Variants in PREX2 observed in about 807,000 individuals in gnomAD.
PREX2 encodes phosphatidylinositol 3,4,5-trisphosphate-dependent Rac exchanger 2 protein.
Under a neutral mutation model 203.2 loss-of-function variants are expected in PREX2, and 107 were observed. The observed-to-expected ratio is 0.53, with a 90% CI of 0.45 to 0.62. PREX2 has a LOEUF of 0.62. Among genes scored for constraint, PREX2 ranks in the 20% least tolerant of loss-of-function variants. The probability of loss-of-function intolerance (pLI) is 0.00; values close to 1 mark genes in which losing one functional copy is unlikely to be tolerated. For missense variants in PREX2, 1,777 were observed against 1,955.9 expected (o/e 0.91, Z 1.72); for synonymous variants, 672 against 663.6 (o/e 1.01, Z -0.19).
At chr8:68,167,061 G>A (rs1585840460) in intron 35 of PREX2, among the ~76,000 whole-genome samples, 2 of 152,148 alleles carry the variant, frequency 1.3e-5, no homozygotes, top group East Asian at 1.9e-4. Context: ...AAGAAAATGG[G>A]TCTACATCAT....
intron 23 of PREX2, chr8:68,105,919 A>G (rs1182663607): frequency 6.1e-6 from 1 of 163,674 alleles, no homozygotes; most frequent in East Asian, 1.9e-4. Flanking sequence ...TATTATATAT[A>G]TGGCACATTG....
In PREX2 at chr8:68,145,648, G is replaced by GT. The variant is rs200567488; in HGVS notation, c.4088-552dup. 9.6e-3 allele frequency among the ~76,000 whole-genome samples: 1,450 copies of GT among 151,208 alleles called. 9 individuals carry two copies. The highest frequency in any genetic ancestry group is 0.014 in the Non-Finnish European group (968 of 67,734). The stretch of plus-strand genomic sequence containing the variant: ...TGAAATTTAGTTTTCAAGTTGATTG[G>GT]TTTTTTTTTAAGTAATTAAATTTAG... On this transcript the variant is annotated intron_variant, in intron 33 of 39. Coordinates refer to ENST00000288368, the MANE Select transcript of PREX2 (RefSeq NM_024870.4).
chr8:67,975,078 C>T (rs1002995898), intron 1 of PREX2, among the ~76,000 whole-genome samples: 6 of 152,108 alleles, frequency 3.9e-5, no homozygotes, highest in Non-Finnish European at 7.4e-5. Context: ...CTCAAGCCTT[C>T]CTGCACTGCT....
At chr8:68,123,104 G>T (rs1448205025) in intron 30 of PREX2, among the ~76,000 whole-genome samples, 3 of 152,054 alleles carry the variant, frequency 2.0e-5, no homozygotes, top group Admixed American at 2.0e-4. Flanking sequence ...ACAGTGGGTT[G>T]TTGAAGTCTC....
chr8:68,215,702 AT>A (rs11334757), intron 37 of PREX2, among the ~76,000 whole-genome samples: 66,831 of 150,362 alleles, frequency 0.44, 16,360 homozygotes, highest in African/African-American at 0.65. Flanking sequence ...CACCTGGCTG[AT>A]TTTTTTTTTA....
At chr8:68,121,360 T>A (rs1810769579) in intron 30 of PREX2, among the ~76,000 whole-genome samples, 1 of 151,926 alleles carries the variant, frequency 6.6e-6, no homozygotes, top group Non-Finnish European at 1.5e-5. Flanking sequence ...ATAAACAAAT[T>A]CTGAAGGATT....
intron 35 of PREX2, among the ~76,000 whole-genome samples, chr8:68,166,795 T>C (rs1811770287): frequency 6.6e-6 from 1 of 152,044 alleles, no homozygotes; most frequent in South Asian, 2.1e-4. Context: ...AGAGAGACCC[T>C]GTCTCTACAT....
chr8:68,104,598 A>C (rs1810355658), intron 23 of PREX2, among the ~76,000 whole-genome samples: 1 of 152,202 alleles, frequency 6.6e-6, no homozygotes, highest in Admixed American at 6.5e-5. Context: ...TTCACCTCTG[A>C]AACTTCCAAC....
chr8:68,210,830 A>G (rs137893913), intron 37 of PREX2, among the ~76,000 whole-genome samples: 66 of 152,348 alleles, frequency 4.3e-4, no homozygotes, highest in African/African-American at 1.6e-3. Flanking sequence ...CATCTAATTT[A>G]TTATAGAAAT....
rs943036380 is a variant in PREX2, at chr8:68,107,921, G to C, written c.2716-188G>C. Among the ~76,000 whole-genome samples the C allele has an allele frequency of 2.0e-5, 3 of 152,230 alleles. No individual in the cohort carries two copies. In the East Asian group the frequency reaches 5.8e-4, roughly 29 times the overall value. ...ATGCATTTGCTGCTTATATTGCTTG[G>C]CTTTATTAAGAATGCTTCAGTTTTG... On this transcript the variant is annotated intron_variant, in intron 23 of 39. Transcript: ENST00000288368.
At chr8:68,030,269 A>G (rs761385964) in intron 5 of PREX2, among the ~76,000 whole-genome samples, 1 of 152,190 alleles carries the variant, frequency 6.6e-6, no homozygotes, top group Non-Finnish European at 1.5e-5. Flanking sequence ...CTTAATTTTT[A>G]AAAACAAAGT....
intron 23 of PREX2, chr8:68,102,827 A>G: frequency 1.9e-6 from 1 of 518,596 alleles, no homozygotes; most frequent in South Asian, 1.4e-5. Flanking sequence ...CAGGCCACAG[A>G]TGTTTTTTGG....
At chr8:68,157,292 C>T in intron 34 of PREX2, 30 bp from the exon 35 acceptor site, 2 of 1,228,850 alleles carry the variant, frequency 1.6e-6, no homozygotes, top group East Asian at 2.4e-5. Flanking sequence ...TATAAAGTTG[C>T]TTGTAAAATA....
At chr8:68,169,164 G>T (rs1811818955) in intron 35 of PREX2, among the ~76,000 whole-genome samples, 1 of 152,026 alleles carries the variant, frequency 6.6e-6, no homozygotes, top group African/African-American at 2.4e-5. Context: ...GGTAAAGATG[G>T]TTCCTACAAA....
rs16934024 is a variant in PREX2 at position 68,035,297 on chromosome 8, A to G, written c.706-2862A>G. ...AAGAGACTCCTTTGATATCAAAACT[A>G]TTCTCTTTGAAGCACATTCTAGTTG... On this transcript the variant is annotated intron_variant, in intron 6 of 39. Coordinates refer to ENST00000288368, the MANE Select transcript of PREX2 (RefSeq NM_024870.4). Among the ~76,000 whole-genome samples, 1,317 of 152,242 alleles carry G rather than the reference A, an allele frequency of 8.7e-3. 10 individuals carry two copies. The highest frequency in any genetic ancestry group is 0.024 in the African/African-American group (1,001 of 41,562).
intron 1 of PREX2, among the ~76,000 whole-genome samples, chr8:67,998,742 C>T (rs921285412): frequency 6.6e-6 from 1 of 152,112 alleles, no homozygotes; most frequent in African/African-American, 2.4e-5. Context: ...TGTTCTCCAG[C>T]CTGGGTGACA....
In PREX2 at chr8:67,952,547, C is replaced by A; in HGVS notation, c.141+12C>A. The A allele has an allele frequency of 6.2e-7, 1 of 1,607,254 alleles. No individual in the cohort carries two copies. Among genetic ancestry groups the A allele is most frequent in the East Asian group, 2.3e-5 (1 of 44,404 alleles). On this transcript the variant is annotated intron_variant, in intron 1 of 39. Transcript: ENST00000288368. ...AGTTCCTGGTGTCGGTGAGTGTCCC[C>A]GGCAGACGCAGGGGGACGTCCGGGC...
At chr8:68,145,836 A>G (rs1181435133) in intron 33 of PREX2, among the ~76,000 whole-genome samples, 4 of 152,104 alleles carry the variant, frequency 2.6e-5, no homozygotes, top group Admixed American at 1.3e-4. Context: ...CACACTACTT[A>G]AGAAGTATAC....
At chr8:68,015,392 T>C (rs1168384969) in intron 1 of PREX2, among the ~76,000 whole-genome samples, 1 of 152,162 alleles carries the variant, frequency 6.6e-6, no homozygotes, top group East Asian at 1.9e-4. Flanking sequence ...CAGATTTCCT[T>C]TCATATACAA....
Sources: gnomAD v4.1 joint callset for allele counts (sites outside exome capture counted in the v4.1 genomes callset) on GRCh38, gnomAD v4.1.1 for gene constraint, MANE v1.5 for transcripts, NCBI Gene and HGNC (gene_info 2026-07-23, HGNC 2026-07-21) for gene names.